The following TRIOBP variants were observed in gnomAD, a reference collection of about 807,000 sequenced individuals.
The protein encoded by TRIOBP is TRIO and F-actin binding protein, also known as TRIO and F-actin-binding protein.
TRIOBP carries 169 observed loss-of-function variants against 238.8 expected under a neutral mutation model. The observed-to-expected ratio is 0.71, with a 90% CI of 0.62 to 0.80. The LOEUF is 0.80. Among genes scored for constraint, TRIOBP ranks in the 30% least tolerant of loss-of-function variants. TRIOBP has a pLI of 0.00. For missense variants in TRIOBP, 2,838 were observed against 3,122.6 expected (o/e 0.91, Z 2.17); for synonymous variants, 1,150 against 1,274.4 (o/e 0.90, Z 2.08).
Position 37,742,119 on chromosome 22 carries a change from G to A in TRIOBP, c.5322+1087G>A, listed in dbSNP as rs531036839. On this transcript the variant is annotated intron_variant, in intron 11 of 23. Transcript: ENST00000644935. ...ATTATAGGCGTGCGCCACTGCACCC[G>A]GCTAATTTTTTGTATTTTTAGTACA... Among the ~76,000 whole-genome samples, 6 of 151,998 alleles carry A rather than the reference G, an allele frequency of 3.9e-5. No homozygotes were observed. The South Asian group carries it at 8.3e-4, about 21-fold the overall frequency.
chr22:37,720,963 T>C (rs1223253948), intron 6 of TRIOBP, among the ~76,000 whole-genome samples: 1 of 151,792 alleles, frequency 6.6e-6, no homozygotes, highest in Non-Finnish European at 1.5e-5. Context: ...GTTCAAGCAA[T>C]TCTCCAGCCT....
intron 7 of TRIOBP, 52 bp downstream of exon 7, chr22:37,726,555 C>T: frequency 2.1e-6 from 3 of 1,421,174 alleles, no homozygotes; most frequent in East Asian, 2.6e-5. Flanking sequence ...GGCTCGGCAG[C>T]AGGACAGGTG....
At chr22:37,760,981 AAAAAGAAAGAAAAG>A (rs1569059980) in intron 17 of TRIOBP, among the ~76,000 whole-genome samples, 1 of 151,812 alleles carries the variant, frequency 6.6e-6, no homozygotes, top group Non-Finnish European at 1.5e-5. Flanking sequence ...AAAAAAAAAA[AAAAAGAAAGAAAAG>A]AAAAGAAGGC....
intron 11 of TRIOBP, among the ~76,000 whole-genome samples, chr22:37,743,988 A>G (rs1925091612): frequency 6.8e-6 from 1 of 147,960 alleles, no homozygotes; most frequent in African/African-American, 2.5e-5. Context: ...CTAGTAGTCC[A>G]GTGCTGTGTA....
chr22:37,772,540 C>G, intron 22 of TRIOBP, 61 bp from the exon 23 acceptor site: 1 of 1,611,604 alleles, frequency 6.2e-7, no homozygotes, highest in Non-Finnish European at 8.5e-7. Flanking sequence ...TGCCCATGTG[C>G]CCGGTTGGCA....
At chr22:37,710,680 T>C in intron 4 of TRIOBP, 114 bp downstream of exon 4, 3 of 1,415,668 alleles carry the variant, frequency 2.1e-6, no homozygotes, top group Non-Finnish European at 2.8e-6. Flanking sequence ...CTGGCATGGG[T>C]CACGTGGTCA....
At chr22:37,702,439 G>A (rs1014691941) in intron 3 of TRIOBP, among the ~76,000 whole-genome samples, 2 of 151,762 alleles carry the variant, frequency 1.3e-5, no homozygotes, top group African/African-American at 4.8e-5. Context: ...CCTGACCTCA[G>A]GTGATCCACC....
chr22:37,765,297 CAAAA>C (rs934979064), intron 17 of TRIOBP, among the ~76,000 whole-genome samples: 1 of 151,722 alleles, frequency 6.6e-6, no homozygotes, highest in Non-Finnish European at 1.5e-5. Flanking sequence ...AAAACAAAAA[CAAAA>C]AAACCACAAA....
intron 4 of TRIOBP, among the ~76,000 whole-genome samples, chr22:37,711,674 G>A (rs1347015574): frequency 6.6e-6 from 1 of 150,850 alleles, no homozygotes; most frequent in Non-Finnish European, 1.5e-5. Context: ...GTATGTTTCA[G>A]AAAGTCTGGG....
intron 11 of TRIOBP, among the ~76,000 whole-genome samples, chr22:37,747,488 G>A (rs979618080): frequency 3.9e-5 from 6 of 152,182 alleles, no homozygotes; most frequent in Non-Finnish European, 7.4e-5. Context: ...CTGCTGGGGG[G>A]CGTGGCACGC....
chr22:37,751,774 C>T lies in TRIOBP; in HGVS notation c.5325C>T (p.Pro1775=), dbSNP rs1345284962. ...LSLGVLRWRR[P]DLLNFKKGWM... Reference sequence around the variant, plus strand: ...CCTCCCTCCTCATCTCCCCACAGCCCGATCTGCTCAACTTCAAGAAGGGAT... The same window carrying T: ...CCTCCCTCCTCATCTCCCCACAGCCTGATCTGCTCAACTTCAAGAAGGGAT... The change falls in exon 12 of 24, where the codon CCC becomes CCT. Residue 1775 remains proline (P), a splice_region_variant and synonymous_variant. Transcript: ENST00000644935. 1.1e-5 allele frequency: 17 copies of T among 1,614,120 alleles called. No homozygotes were observed. The highest frequency in any genetic ancestry group is 1.4e-5 in the Non-Finnish European group (17 of 1,180,006).
chr22:37,720,397 G>C (rs1172023135), intron 6 of TRIOBP, among the ~76,000 whole-genome samples: 2 of 152,070 alleles, frequency 1.3e-5, no homozygotes, highest in African/African-American at 4.8e-5. Flanking sequence ...TTCTGTTCCA[G>C]GATCCATTCC....
At chr22:37,769,836 C>T (rs1047421930) in intron 21 of TRIOBP, among the ~76,000 whole-genome samples, 1 of 151,970 alleles carries the variant, frequency 6.6e-6, no homozygotes, top group African/African-American at 2.4e-5. Flanking sequence ...TCAAGCGATT[C>T]TCCTGCCTCA....
In TRIOBP at chr22:37,734,595, C is replaced by G; in HGVS notation, c.4259C>G (p.Pro1420Arg). The stretch of plus-strand genomic sequence containing the variant: ...CCTCTGGAGAGTGGCCAAGCAGGCC[C>G]AAGACAGCCTCTGGGGGTGTGGCAG... ...QRPLESGQAG[P>R]RQPLGVWQSQ... Residue 1420 changes from proline (P) to arginine (R), a missense_variant, in exon 9 of 24, where the codon CCA becomes CGA. Coordinates refer to ENST00000644935, the MANE Select transcript of TRIOBP (RefSeq NM_001039141.3). 6.3e-7 allele frequency: 1 copy of G among 1,580,740 alleles called. No individual in the cohort carries two copies. The highest frequency in any genetic ancestry group is 8.6e-7 in the Non-Finnish European group (1 of 1,163,704).
rs375428630 is a variant in TRIOBP at position 37,734,787 on chromosome 22, A to G, written c.4451A>G (p.Tyr1484Cys). The G allele has an allele frequency of 3.7e-6, 6 of 1,612,300 alleles. No individual in the cohort carries two copies. In the African/African-American group the frequency reaches 8.0e-5, roughly 22 times the overall value. Residue 1484 changes from tyrosine to cysteine, a missense_variant, in exon 9 of 24, where the codon TAC becomes TGC. By Grantham distance (194) the Tyr-to-Cys change is radical. Transcript: ENST00000644935. ...EGAWGGTSRE[Y>C]KESWGQPEAW... The stretch of plus-strand genomic sequence containing the variant: ...GCATGGGGGGGCACTTCCAGGGAGT[A>G]CAAGGAGAGCTGGGGGCAGCCAGAG...
chr22:37,726,428 C>A lies in TRIOBP; in HGVS notation c.3872C>A (p.Ala1291Glu). 1.3e-6 allele frequency: 2 copies of A among 1,586,128 alleles called. No homozygotes were observed. The highest frequency in any genetic ancestry group is 8.6e-7 in the Non-Finnish European group (1 of 1,167,756). Residue 1291 changes from alanine (A) to glutamate (E), a missense_variant, in exon 7 of 24, where the codon GCG becomes GAG. Transcript: ENST00000644935. The stretch of plus-strand genomic sequence containing the variant: ...GCCCAGAGACAGCCAGGGCCCCAGG[C>A]GCAGTGCAGCAGCGGGGGCCGCACC... ...RLAQRQPGPQ[A>E]QCSSGGRTHS...
chr22:37,700,674 C>G (rs751328088), intron 2 of TRIOBP, among the ~76,000 whole-genome samples: 1 of 151,896 alleles, frequency 6.6e-6, no homozygotes, highest in African/African-American at 2.4e-5. Flanking sequence ...CCGCAATGGG[C>G]CCAGCTGGAA....
chr22:37,720,000 C>CT lies in TRIOBP; in HGVS notation c.629-3159dup, dbSNP rs869261824. 2.7e-3 allele frequency among the ~76,000 whole-genome samples: 147 copies of CT among 54,400 alleles called. 16 individuals carry two copies. The highest frequency in any genetic ancestry group is 9.9e-3 in the African/African-American group (130 of 13,120). The allele number at this position is 54,400 out of a possible 152,430, so 35.7% of individuals were successfully genotyped here. On this transcript the variant is annotated intron_variant, in intron 6 of 23. Transcript: ENST00000644935. ...ACTGTTTCACTCATCCCCCCCCGCC[C>CT]TTTTTTTTTTTTTTTTTTTTTTTTT...
intron 7 of TRIOBP, among the ~76,000 whole-genome samples, chr22:37,729,486 T>C (rs751790271): frequency 5.9e-5 from 9 of 152,186 alleles, no homozygotes; most frequent in Non-Finnish European, 1.2e-4. Flanking sequence ...AAAGTGTCTT[T>C]GACCTTTTTA....
Sources: allele counts gnomAD v4.1 joint callset (sites outside exome capture counted in the v4.1 genomes callset), GRCh38; gene constraint gnomAD v4.1.1; transcripts MANE v1.5; gene names NCBI Gene and HGNC (gene_info 2026-07-23, HGNC 2026-07-21).